Variants in CHLSN observed in about 807,000 individuals in gnomAD.
The protein encoded by CHLSN is protein cholesin.
the CHLSN span, chr7:1,137,191 GGCTCCCT>G: frequency 1.3e-5 from 2 of 152,736 alleles, no homozygotes; most frequent in East Asian, 3.8e-4. Flanking sequence ...AGCCACACTG[GGCTCCCT>G]GCTGTTTCCC....
At chr7:1,011,804 A>G in the CHLSN span, among the ~76,000 whole-genome samples, 1 of 152,246 alleles carries the variant, frequency 6.6e-6, no homozygotes, top group Non-Finnish European at 1.5e-5. Context: ...GGTCCGCAGC[A>G]AGAGACAGGG....
At chr7:1,016,461 G>A in the CHLSN span, among the ~76,000 whole-genome samples, 12 of 91,944 alleles carry the variant, frequency 1.3e-4, no homozygotes, top group Non-Finnish European at 2.3e-4. Context: ...AGCAGCGCAC[G>A]CCAGCACATA....
At chr7:1,100,185 G>T in the CHLSN span, among the ~76,000 whole-genome samples, 1 of 152,274 alleles carries the variant, frequency 6.6e-6, no homozygotes, top group East Asian at 1.9e-4. Context: ...CTGTCCAGCC[G>T]GCCACCACTG....
the CHLSN span, among the ~76,000 whole-genome samples, chr7:1,095,453 A>G: frequency 6.6e-6 from 1 of 152,178 alleles, no homozygotes. Flanking sequence ...AGTCCCAGAA[A>G]GCAGGCGGGG....
At chr7:1,064,472 G>A in the CHLSN span, among the ~76,000 whole-genome samples, 1 of 152,090 alleles carries the variant, frequency 6.6e-6, no homozygotes, top group Admixed American at 6.5e-5. Flanking sequence ...GGGGAGCAGG[G>A]GCACTGACAG....
the CHLSN span, among the ~76,000 whole-genome samples, chr7:1,035,273 G>C: frequency 2.6e-5 from 4 of 152,372 alleles, no homozygotes; most frequent in Admixed American, 1.3e-4. Flanking sequence ...ATTGTGAACA[G>C]TGCTGGGCTG....
the CHLSN span, chr7:987,543 C>A: frequency 1.1e-4 from 167 of 1,504,616 alleles, no homozygotes; most frequent in Non-Finnish European, 1.4e-4. Flanking sequence ...TGGGGCTGGG[C>A]CTCCCTTGCC....
chr7:1,040,190 A>ATAAAAAAAAAT, the CHLSN span, among the ~76,000 whole-genome samples: 1 of 119,556 alleles, frequency 8.4e-6, no homozygotes, highest in African/African-American at 2.6e-5. Context: ...ATTTAAAAAA[A>ATAAAAAAAAAT]AAAAAAAAAA....
At chr7:1,041,955 C>T in the CHLSN span, among the ~76,000 whole-genome samples, 2 of 152,214 alleles carry the variant, frequency 1.3e-5, no homozygotes, top group Non-Finnish European at 1.5e-5. Flanking sequence ...CGCCTGAATG[C>T]GGCAGGGGAA....
the CHLSN span, chr7:983,161 C>A: frequency 4.3e-6 from 6 of 1,409,628 alleles, no homozygotes; most frequent in South Asian, 1.5e-5. Flanking sequence ...TATAAGGGTG[C>A]GGGGGGGACG....
chr7:1,072,676 C>CTTT, the CHLSN span, among the ~76,000 whole-genome samples: 185 of 110,294 alleles, frequency 1.7e-3, 4 homozygotes, highest in African/African-American at 4.9e-3. Context: ...CTTTTCTTTC[C>CTTT]TTTTTTTTTT....
chr7:1,110,688 A>T, the CHLSN span, among the ~76,000 whole-genome samples: 1 of 152,252 alleles, frequency 6.6e-6, no homozygotes, highest in African/African-American at 2.4e-5. Flanking sequence ...TGTAGGGCAA[A>T]AGCCATAAAC....
At chr7:1,020,621 G>A in the CHLSN span, among the ~76,000 whole-genome samples, 2 of 152,204 alleles carry the variant, frequency 1.3e-5, no homozygotes, top group East Asian at 3.9e-4. Flanking sequence ...GATGATGTAA[G>A]GAAATGAATG....
the CHLSN span, among the ~76,000 whole-genome samples, chr7:983,798 G>A: frequency 6.6e-6 from 1 of 152,220 alleles, no homozygotes; most frequent in Non-Finnish European, 1.5e-5. Flanking sequence ...TTGAGCCTCT[G>A]TTTCCTCATC....
At chr7:1,063,471 A>T in the CHLSN span, among the ~76,000 whole-genome samples, 2 of 152,116 alleles carry the variant, frequency 1.3e-5, no homozygotes, top group Non-Finnish European at 2.9e-5. Context: ...CAGGCACTAC[A>T]ATTCACTGGT....
the CHLSN span, among the ~76,000 whole-genome samples, chr7:1,115,482 G>T: frequency 6.6e-6 from 1 of 150,828 alleles, no homozygotes; most frequent in African/African-American, 2.4e-5. Flanking sequence ...GCCCACGCAG[G>T]ATGACTTCAC....
At chr7:1,104,686 C>G in the CHLSN span, among the ~76,000 whole-genome samples, 1 of 152,290 alleles carries the variant, frequency 6.6e-6, no homozygotes, top group Admixed American at 6.5e-5. Context: ...GAGCCGGGTG[C>G]CTGGGAAAAC....
At chr7:1,132,604 G>A in the CHLSN span, among the ~76,000 whole-genome samples, 1 of 151,192 alleles carries the variant, frequency 6.6e-6, no homozygotes. Context: ...TGAAGTGGGA[G>A]GATGACCTGA....
At chr7:1,058,726 A>G in the CHLSN span, 1 of 588,690 alleles carries the variant, frequency 1.7e-6, no homozygotes, top group East Asian at 2.9e-5. Context: ...AGTCTCCCCG[A>G]GGCCTGTGCG....
Sources: gnomAD v4.1 joint callset for allele counts (sites outside exome capture counted in the v4.1 genomes callset) on GRCh38, gnomAD v4.1.1 for gene constraint, MANE v1.5 for transcripts, NCBI Gene and HGNC (gene_info 2026-07-23, HGNC 2026-07-21) for gene names.